ADGRB3: variants seen among roughly 807,000 people sequenced by gnomAD.
The protein encoded by ADGRB3 is brain-specific angiogenesis inhibitor 3.
In ADGRB3, 37 loss-of-function variants were observed where a neutral mutation model predicts 193.4. The observed-to-expected ratio is 0.19, with a 90% CI of 0.15 to 0.25. The LOEUF (loss-of-function observed/expected upper bound fraction) is 0.25, where lower values mean the gene tolerates loss of function less well. Among genes scored for constraint, ADGRB3 ranks in the 10% least tolerant of loss-of-function variants. The probability of loss-of-function intolerance (pLI) is 1.00; values close to 1 mark genes in which losing one functional copy is unlikely to be tolerated. For synonymous variants in ADGRB3, 690 were observed against 644.2 expected, an observed-to-expected ratio of 1.07 and a Z score of -1.08; for missense variants, 1,637 against 1,852.9, an observed-to-expected ratio of 0.88 and a Z score of 2.14.
At chr6:69,039,983 G>A (rs533068543) in intron 13 of ADGRB3, among the ~76,000 whole-genome samples, 53 of 152,006 alleles carry the variant, frequency 3.5e-4, no homozygotes, top group African/African-American at 8.2e-4. Context: ...ATCGTGATCC[G>A]CCCGCCTCGG....
At chr6:68,907,288 A>G (rs1211367043) in intron 3 of ADGRB3, among the ~76,000 whole-genome samples, 1 of 151,968 alleles carries the variant, frequency 6.6e-6, no homozygotes, top group African/African-American at 2.4e-5. Flanking sequence ...TGAAATTATT[A>G]ATTCTACTGG....
intron 8 of ADGRB3, among the ~76,000 whole-genome samples, chr6:68,973,075 T>C (rs767487938): frequency 2.6e-5 from 4 of 152,160 alleles, no homozygotes; most frequent in Admixed American, 1.3e-4. Flanking sequence ...TGTGTTTTAA[T>C]GGGAACATGG....
intron 17 of ADGRB3, among the ~76,000 whole-genome samples, chr6:69,169,928 TAG>T (rs1444462244): frequency 1.3e-5 from 2 of 152,088 alleles, no homozygotes; most frequent in South Asian, 2.1e-4. Flanking sequence ...TGCAGAAAAA[TAG>T]AGTCAGCTAG....
intron 3 of ADGRB3, among the ~76,000 whole-genome samples, chr6:68,830,762 ATGAAAGATCGTAG>A (rs1767936393): frequency 6.6e-6 from 1 of 152,064 alleles, no homozygotes; most frequent in African/African-American, 2.4e-5. Context: ...GGCATGGAAG[ATGAAAGATCGTAG>A]TGAGCCGAGG....
Position 69,233,409 on chromosome 6 carries a change from G to A in ADGRB3, c.2600G>A (p.Arg867Lys), listed in dbSNP as rs767594077. The change falls in exon 18 of 32, where the codon AGA becomes AAA. Residue 867 changes from arginine to lysine, a missense_variant. By Grantham distance (26) the Arg-to-Lys change is conservative. Coordinates refer to ENST00000370598, the MANE Select transcript of ADGRB3 (RefSeq NM_001704.3). ...TTCGCCATTTTGGCTCAGCAACCTA[G>A]AGAAATAGTAAGTAACAAAGGGAAA... ...STFAILAQQP[R>K]EIIMESSGTP... 2.5e-6 allele frequency: 4 copies of A among 1,613,996 alleles called. No homozygotes were observed. Among genetic ancestry groups the A allele is most frequent in the Non-Finnish European group, 3.4e-6 (4 of 1,179,964 alleles).
At chr6:68,855,092 G>A (rs1764941486) in intron 3 of ADGRB3, among the ~76,000 whole-genome samples, 1 of 152,118 alleles carries the variant, frequency 6.6e-6, no homozygotes, top group Non-Finnish European at 1.5e-5. Context: ...CTTCTTCCAG[G>A]CCTAAGTCTT....
At chr6:68,861,741 A>G (rs1765161832) in intron 3 of ADGRB3, among the ~76,000 whole-genome samples, 2 of 152,174 alleles carry the variant, frequency 1.3e-5, no homozygotes, top group Non-Finnish European at 2.9e-5. Context: ...TTAGTCTAAC[A>G]TAATTGTTAG....
At chr6:68,793,556 T>G (rs529725203) in intron 3 of ADGRB3, among the ~76,000 whole-genome samples, 2 of 152,308 alleles carry the variant, frequency 1.3e-5, no homozygotes, top group African/African-American at 2.4e-5. Flanking sequence ...TTAAGACGAG[T>G]CTCACTTTGT....
intron 29 of ADGRB3, among the ~76,000 whole-genome samples, chr6:69,364,134 C>T (rs1769518262): frequency 1.3e-5 from 2 of 151,936 alleles, no homozygotes; most frequent in African/African-American, 2.4e-5. Context: ...CCAAGATCCT[C>T]AGGATACTTT....
intron 17 of ADGRB3, among the ~76,000 whole-genome samples, chr6:69,130,578 GC>G (rs559631574): frequency 6.7e-6 from 1 of 150,196 alleles, no homozygotes; most frequent in Non-Finnish European, 1.5e-5. Context: ...TAGAAATTCA[GC>G]CCCCCGACTG....
chr6:68,847,339 G>C (rs1324687023), intron 3 of ADGRB3, among the ~76,000 whole-genome samples: 1 of 152,094 alleles, frequency 6.6e-6, no homozygotes, highest in Non-Finnish European at 1.5e-5. Context: ...GGCATGATTG[G>C]TTTTAAAATG....
intron 8 of ADGRB3, among the ~76,000 whole-genome samples, chr6:68,965,520 A>G (rs539436663): frequency 5.3e-5 from 8 of 152,270 alleles, no homozygotes; most frequent in African/African-American, 1.9e-4. Context: ...ATTCTAGCAT[A>G]TGGGGTAAAA....
At chr6:69,369,105 G>T (rs1008614614) in intron 29 of ADGRB3, among the ~76,000 whole-genome samples, 2 of 152,064 alleles carry the variant, frequency 1.3e-5, no homozygotes, top group African/African-American at 4.8e-5. Flanking sequence ...ATTTTTAAAA[G>T]TTATCAGATT....
intron 10 of ADGRB3, among the ~76,000 whole-genome samples, chr6:68,976,772 G>T (rs568096761): frequency 2.0e-5 from 3 of 152,080 alleles, no homozygotes; most frequent in African/African-American, 7.2e-5. Context: ...GGTTGGTCTT[G>T]CAGGCTCAGG....
At chr6:69,014,437 A>G (rs1770031181) in intron 12 of ADGRB3, among the ~76,000 whole-genome samples, 1 of 152,142 alleles carries the variant, frequency 6.6e-6, no homozygotes, top group Middle Eastern at 3.4e-3. Flanking sequence ...TTCAAATGAA[A>G]GTATGGAGCT....
At chr6:68,769,177 T>C (rs771207169) in intron 3 of ADGRB3, among the ~76,000 whole-genome samples, 3 of 152,186 alleles carry the variant, frequency 2.0e-5, no homozygotes, top group African/African-American at 4.8e-5. Context: ...GAACCAGCAG[T>C]CCCATCACTG....
intron 11 of ADGRB3, among the ~76,000 whole-genome samples, chr6:69,008,570 AC>A (rs1272269854): frequency 2.6e-5 from 4 of 152,142 alleles, no homozygotes; most frequent in Admixed American, 6.6e-5. Context: ...CCTTTGCTGA[AC>A]AAAGCAGCAC....
intron 23 of ADGRB3, chr6:69,331,719 C>A (rs951206530): frequency 9.1e-5 from 90 of 984,970 alleles, no homozygotes; most frequent in Non-Finnish European, 1.1e-4. Flanking sequence ...TAGGTTAATG[C>A]CAATATAACA....
intron 17 of ADGRB3, among the ~76,000 whole-genome samples, chr6:69,132,946 T>C (rs188916935): frequency 6.6e-6 from 1 of 152,182 alleles, no homozygotes. Context: ...AGATGTGTGG[T>C]GTTATTTCTG....
Sources: gnomAD v4.1 joint callset for allele counts (sites outside exome capture counted in the v4.1 genomes callset) on GRCh38, gnomAD v4.1.1 for gene constraint, MANE v1.5 for transcripts, NCBI Gene and HGNC (gene_info 2026-07-23, HGNC 2026-07-21) for gene names.